The following PSD3 variants were observed in gnomAD, a reference collection of about 807,000 sequenced individuals.
The protein encoded by PSD3 is PH and SEC7 domain-containing protein 3.
A neutral mutation model predicts 105.5 loss-of-function variants in PSD3; 49 were observed. That is an observed-to-expected ratio of 0.46 (90% CI 0.37 to 0.59). The LOEUF (loss-of-function observed/expected upper bound fraction) is 0.59. Among genes scored for constraint, PSD3 ranks in the 20% least tolerant of loss-of-function variants. The pLI is 0.00. For missense variants in PSD3, 1,561 were observed against 1,263.8 expected, an observed-to-expected ratio of 1.24 and a Z score of -3.57; for synonymous variants, 557 against 457.8, an observed-to-expected ratio of 1.22 and a Z score of -2.77.
At chr8:18,706,443 C>T (rs977120701) in intron 9 of PSD3, among the ~76,000 whole-genome samples, 1 of 152,034 alleles carries the variant, frequency 6.6e-6, no homozygotes, top group African/African-American at 2.4e-5. Context: ...GATAGGTCAA[C>T]AAACTAAAAG....
intron 9 of PSD3, among the ~76,000 whole-genome samples, chr8:18,680,263 G>A (rs544023082): frequency 5.9e-5 from 9 of 152,234 alleles, no homozygotes; most frequent in Non-Finnish European, 1.0e-4. Flanking sequence ...GAGTACAGTT[G>A]GCCCTCCATA....
intron 11 of PSD3, among the ~76,000 whole-genome samples, chr8:18,622,189 C>A (rs1476830127): frequency 6.6e-6 from 1 of 152,186 alleles, no homozygotes; most frequent in East Asian, 1.9e-4. Context: ...GAACTAATCT[C>A]AGGACTGTAC....
chr8:18,610,047 AC>A (rs1193971398), intron 11 of PSD3, among the ~76,000 whole-genome samples: 1 of 152,204 alleles, frequency 6.6e-6, no homozygotes, highest in Admixed American at 6.5e-5. Flanking sequence ...ATTCCTAATC[AC>A]TTATCTTTGA....
chr8:18,963,265 T>C (rs1260799677), intron 1 of PSD3, among the ~76,000 whole-genome samples: 1 of 152,170 alleles, frequency 6.6e-6, no homozygotes, highest in Non-Finnish European at 1.5e-5. Flanking sequence ...CAATTCAAGA[T>C]GAGATTTGGG....
At chr8:18,611,014 T>A (rs536500446) in intron 11 of PSD3, among the ~76,000 whole-genome samples, 110 of 152,238 alleles carry the variant, frequency 7.2e-4, no homozygotes, top group Admixed American at 1.0e-3. Flanking sequence ...ATAAGATTAT[T>A]AGGACACATA....
intron 9 of PSD3, among the ~76,000 whole-genome samples, chr8:18,674,824 T>C (rs939459644): frequency 2.0e-5 from 3 of 152,106 alleles, no homozygotes; most frequent in Non-Finnish European, 2.9e-5. Context: ...CTGGGCAACA[T>C]TGTAAGTCCT....
intron 1 of PSD3, among the ~76,000 whole-genome samples, chr8:18,951,310 G>C (rs1178534947): frequency 6.6e-6 from 1 of 152,150 alleles, no homozygotes; most frequent in Non-Finnish European, 1.5e-5. Context: ...GCTGAGCAGG[G>C]AGAATCGCTT....
intron 1 of PSD3, among the ~76,000 whole-genome samples, chr8:18,956,608 T>C (rs184900555): frequency 4.6e-5 from 7 of 152,342 alleles, no homozygotes; most frequent in African/African-American, 1.4e-4. Context: ...AATCTTTATA[T>C]ACATTACCAA....
At chr8:18,780,839 C>T (rs1367565414) in intron 8 of PSD3, among the ~76,000 whole-genome samples, 1 of 152,198 alleles carries the variant, frequency 6.6e-6, no homozygotes, top group Non-Finnish European at 1.5e-5. Context: ...CAGGCGTGAG[C>T]CACCGCGCCT....
intron 11 of PSD3, among the ~76,000 whole-genome samples, chr8:18,626,230 A>G (rs954800408): frequency 6.6e-6 from 1 of 151,932 alleles, no homozygotes; most frequent in Non-Finnish European, 1.5e-5. Flanking sequence ...AGTCTGACAA[A>G]CTGAATGTTT....
At chr8:18,731,114 GA>G (rs1446293597) in intron 9 of PSD3, among the ~76,000 whole-genome samples, 30 of 151,582 alleles carry the variant, frequency 2.0e-4, no homozygotes, top group African/African-American at 7.0e-4. Context: ...AAATTAGCTG[GA>G]CGTGGGGGCG....
chr8:18,937,595 T>G (rs2129469183), intron 1 of PSD3, among the ~76,000 whole-genome samples: 1 of 152,258 alleles, frequency 6.6e-6, no homozygotes, highest in South Asian at 2.1e-4. Context: ...AGCAATTTCT[T>G]AAAAGAGCTC....
At chr8:18,544,690 C>T (rs1800354800) in intron 15 of PSD3, among the ~76,000 whole-genome samples, 2 of 152,166 alleles carry the variant, frequency 1.3e-5, no homozygotes, top group African/African-American at 2.4e-5. Flanking sequence ...TATAATGGTA[C>T]AATCAGAGCT....
At chr8:18,776,435 G>C (rs1173225682) in intron 8 of PSD3, among the ~76,000 whole-genome samples, 2 of 150,520 alleles carry the variant, frequency 1.3e-5, no homozygotes, top group Admixed American at 6.6e-5. Flanking sequence ...CCAGGCTGGA[G>C]TGCAGTGGCA....
chr8:18,653,204 GA>G lies in PSD3; in HGVS notation c.2216+2437del, dbSNP rs371964766. On this transcript the variant is annotated intron_variant, in intron 10 of 15. Coordinates refer to ENST00000327040, the MANE Select transcript of PSD3 (RefSeq NM_015310.4). Reference sequence around the variant, plus strand: ...AAACTCAGAAATTTACAGAATATTAGAACTAGAAAAAATACTTGTGATCATT... The same window carrying G: ...AAACTCAGAAATTTACAGAATATTAGACTAGAAAAAATACTTGTGATCATT... Among the ~76,000 whole-genome samples the G allele has an allele frequency of 5.4e-3, 822 of 152,088 alleles. 8 individuals carry two copies. The highest frequency in any genetic ancestry group is 0.018 in the African/African-American group (763 of 41,490).
At chr8:18,979,415 G>A (rs931293605) in intron 1 of PSD3, among the ~76,000 whole-genome samples, 2 of 152,170 alleles carry the variant, frequency 1.3e-5, no homozygotes, top group Non-Finnish European at 2.9e-5. Context: ...CTCAACCAGA[G>A]AACTGTTGGC....
chr8:19,015,324 A>G (rs1165065803), upstream of PSD3, among the ~76,000 whole-genome samples: 1 of 152,138 alleles, frequency 6.6e-6, no homozygotes, highest in Non-Finnish European at 1.5e-5. Flanking sequence ...CAAGTCCAAT[A>G]AACCTCTTTC....
chr8:18,709,038 G>C (rs927192226), intron 9 of PSD3, among the ~76,000 whole-genome samples: 3 of 152,164 alleles, frequency 2.0e-5, no homozygotes, highest in Admixed American at 1.3e-4. Context: ...GCACAGAGCT[G>C]TGCAGACTCT....
At chr8:18,863,620 A>C (rs6586780) in intron 4 of PSD3, among the ~76,000 whole-genome samples, 110,210 of 152,038 alleles carry the variant, frequency 0.72, 40,443 homozygotes, top group East Asian at 0.99. Context: ...ATGACAAAAA[A>C]CTTAATTATG....
Sources: gnomAD v4.1 joint callset for allele counts (sites outside exome capture counted in the v4.1 genomes callset) on GRCh38, gnomAD v4.1.1 for gene constraint, MANE v1.5 for transcripts, NCBI Gene and HGNC (gene_info 2026-07-23, HGNC 2026-07-21) for gene names.